Variants in DEK observed in about 807,000 individuals in gnomAD.
DEK encodes the protein protein DEK.
DEK carries 28 observed loss-of-function variants against 46.8 expected under a neutral mutation model. That is an observed-to-expected ratio of 0.60 (90% confidence interval 0.44 to 0.82). DEK has a LOEUF of 0.82. Among genes scored for constraint, DEK ranks in the 40% least tolerant of loss-of-function variants. The pLI is 0.00. For synonymous variants in DEK, 160 were observed against 144.5 expected, an observed-to-expected ratio of 1.11 and a Z score of -0.77; for missense variants, 416 against 430.6, an observed-to-expected ratio of 0.97 and a Z score of 0.30.
At chr6:18,236,396 T>C (rs371327855) in intron 9 of DEK, 56 bp downstream of exon 9, 29 of 1,566,840 alleles carry the variant, frequency 1.9e-5, no homozygotes, top group Non-Finnish European at 2.4e-5. Context: ...AATTCAGAGA[T>C]AAGTGAAAGA....
chr6:18,255,720 T>A lies in DEK; in HGVS notation c.573+11A>T. On this transcript the variant is annotated intron_variant, in intron 6 of 10. Transcript: ENST00000652689. ...AACTGATTTATGAAAAAAATAAAAA[T>A]TGATCCTCACTTTGCCAGAAGGCTT... 1 of 1,581,942 alleles carries A rather than the reference T, an allele frequency of 6.3e-7. No homozygotes were observed. Among genetic ancestry groups the A allele is most frequent in the Non-Finnish European group, 8.5e-7 (1 of 1,172,028 alleles).
chr6:18,237,326 A>G lies in DEK; in HGVS notation c.898+55T>C, dbSNP rs952473379. The G allele has an allele frequency of 6.5e-6, 10 of 1,548,086 alleles. No homozygotes were observed. The African/African-American group carries it at 1.1e-4, about 17-fold the overall frequency. The stretch of plus-strand genomic sequence containing the variant: ...CACACACTTAAATACTATGTACAAC[A>G]TATTAATATATGCTATATCTTTAAA... On this transcript the variant is annotated intron_variant, in intron 8 of 10. Transcript: ENST00000652689.
Position 18,263,791 on chromosome 6 carries a change from C to CA in DEK, c.145+51dup, listed in dbSNP as rs775115000. On this transcript the variant is annotated intron_variant, in intron 2 of 10. Coordinates refer to ENST00000652689, the MANE Select transcript of DEK (RefSeq NM_003472.4). ...AAAACTGTTTCCTGGGTGAAAAATA[C>CA]AAAAAAACTTCGGTCTGAAAAATTC... 1.2e-3 allele frequency: 1,875 copies of CA among 1,609,938 alleles called. 1 individual carries two copies. The highest frequency in any genetic ancestry group is 1.5e-3 in the Non-Finnish European group (1,745 of 1,178,682).
At position 18,259,430 on chromosome 6, in the gene DEK, A is replaced by AAAAAAAT. The variant is rs1554162685; in HGVS notation, c.146-1026_146-1025insATTTTTT. Among the ~76,000 whole-genome samples, 177 of 96,844 alleles carry AAAAAAAT rather than the reference A, an allele frequency of 1.8e-3. 22 individuals are homozygous for AAAAAAAT. Among genetic ancestry groups the AAAAAAAT allele is most frequent in the Middle Eastern group, 4.9e-3 (1 of 206 alleles). The allele number at this position is 96,844 out of a possible 152,430, so 63.5% of individuals were successfully genotyped here. On this transcript the variant is annotated intron_variant, in intron 2 of 10. Coordinates refer to ENST00000652689, the MANE Select transcript of DEK (RefSeq NM_003472.4). ...AAAAAAAAAAAAAAAAAAAAAAAAA[A>AAAAAAAT]AAATCTAGAAAACAGGTAGCATATA...
At chr6:18,230,091 A>G (rs1279350298) in intron 9 of DEK, among the ~76,000 whole-genome samples, 1 of 152,248 alleles carries the variant, frequency 6.6e-6, no homozygotes, top group Non-Finnish European at 1.5e-5. Context: ...CTTAAAGAAA[A>G]GAATTTTCAA....
chr6:18,224,962 G>C lies in DEK; in HGVS notation c.*757C>G, dbSNP rs140992236. 23 of 216,734 alleles carry C rather than the reference G, an allele frequency of 1.1e-4. No individual in the cohort carries two copies. The highest frequency in any genetic ancestry group is 4.5e-4 in the African/African-American group (20 of 44,528). The allele number at this position is 216,734 out of a possible 1,614,324, so 13.4% of individuals were successfully genotyped here. ...ACTTTCGAGGCAAAGCAGGGTAACT[G>C]TTCCTTCAGTGTTGCCATCACTGAA... On this transcript the variant is annotated 3_prime_UTR_variant, in exon 11 of 11. Transcript: ENST00000652689.
At position 18,225,551 on chromosome 6, in the gene DEK, C is replaced by T. The variant is rs1790076186; in HGVS notation, c.*168G>A. ...AATGGCATAGAAATGCAATTTAAAA[C>T]AGCAAACTCAAATTCACATAACACT... On this transcript the variant is annotated 3_prime_UTR_variant, in exon 11 of 11. Coordinates refer to ENST00000652689, the MANE Select transcript of DEK (RefSeq NM_003472.4). 2 of 624,234 alleles carry T rather than the reference C, an allele frequency of 3.2e-6. No homozygotes were observed. Among genetic ancestry groups the T allele is most frequent in the Non-Finnish European group, 5.2e-6 (2 of 385,454 alleles). The allele number at this position is 624,234 out of a possible 1,614,324, so 38.7% of individuals were successfully genotyped here.
At chr6:18,249,628 A>T (rs2151088968) in intron 7 of DEK, 23 bp downstream of exon 7, 2 of 1,523,798 alleles carry the variant, frequency 1.3e-6, no homozygotes, top group Non-Finnish European at 1.8e-6. Flanking sequence ...GAAATGATTT[A>T]AAAATATAGT....
Position 18,249,693 on chromosome 6 carries a change from CTTGT to C in DEK, c.716_719del (p.Asn239ArgfsTer38), listed in dbSNP as rs1039914491. ...TATCTTCATCATCTGAAGACTCTTC[CTTGT>C]TTTTCTTTTCATCTTCATCACTACT... On this transcript the variant is annotated frameshift_variant, in exon 7 of 11. Coordinates refer to ENST00000652689, the MANE Select transcript of DEK (RefSeq NM_003472.4). LOFTEE classifies it high-confidence loss of function. The C allele has an allele frequency of 2.5e-6, 4 of 1,602,474 alleles. No homozygotes were observed. Among genetic ancestry groups the C allele is most frequent in the Non-Finnish European group, 3.4e-6 (4 of 1,176,872 alleles).
In DEK at chr6:18,231,530, G is replaced by A. The variant is rs186339285; in HGVS notation, c.1047+4922C>T. Among the ~76,000 whole-genome samples, 1,065 of 151,952 alleles carry A rather than the reference G, an allele frequency of 7.0e-3. 7 individuals are homozygous for A. Among genetic ancestry groups the A allele is most frequent in the Middle Eastern group, 0.02 (6 of 294 alleles). The stretch of plus-strand genomic sequence containing the variant: ...CAGACGAAATAAAAAATGATAAAGG[G>A]GATATCACCACCGATCCCACAGAAA... On this transcript the variant is annotated intron_variant, in intron 9 of 10. Coordinates refer to ENST00000652689, the MANE Select transcript of DEK (RefSeq NM_003472.4).
intron 9 of DEK, among the ~76,000 whole-genome samples, chr6:18,229,303 A>G (rs1402986119): frequency 1.3e-5 from 2 of 152,216 alleles, no homozygotes. Flanking sequence ...GAAAAGCTGA[A>G]AATTCTAAAA....
In DEK at chr6:18,224,070, T is replaced by C. The variant is rs1790001826; in HGVS notation, c.*1649A>G. On this transcript the variant is annotated 3_prime_UTR_variant, in exon 11 of 11. Transcript: ENST00000652689. The stretch of plus-strand genomic sequence containing the variant: ...TACCACAAAAGAGTATTCCAAATTG[T>C]ATAGGTTATAGGGCTGAATCAATTT... 1 of 159,848 alleles carries C rather than the reference T, an allele frequency of 6.3e-6. No individual in the cohort carries two copies. Among genetic ancestry groups the C allele is most frequent in the Non-Finnish European group, 1.4e-5 (1 of 72,596 alleles). 9.9% of individuals were successfully genotyped at this position (159,848 alleles called of 1,614,324 possible).
rs999532751 is a variant in DEK at position 18,225,239 on chromosome 6, A to G, written c.*480T>C. Reference sequence around the variant, plus strand: ...AGTGATCTGGACAACTGTAGCTTGTATATTTTTAATATGATGGACACACTG... The same window carrying G: ...AGTGATCTGGACAACTGTAGCTTGTGTATTTTTAATATGATGGACACACTG... On this transcript the variant is annotated 3_prime_UTR_variant, in exon 11 of 11. Transcript: ENST00000652689. 1.7e-5 allele frequency: 4 copies of G among 229,600 alleles called. No individual in the cohort carries two copies. The highest frequency in any genetic ancestry group is 6.6e-5 in the African/African-American group (3 of 45,170). The allele number at this position is 229,600 out of a possible 1,614,324, so 14.2% of individuals were successfully genotyped here.
Position 18,231,509 on chromosome 6 carries a change from C to T in DEK, c.1047+4943G>A, listed in dbSNP as rs183102316. On this transcript the variant is annotated intron_variant, in intron 9 of 10. Transcript: ENST00000652689. ...AGAAAAGAGAGAAGAATCAAACAGA[C>T]GAAATAAAAAATGATAAAGGGGATA... is the stretch of plus-strand genomic sequence containing the variant. 3.7e-3 allele frequency among the ~76,000 whole-genome samples: 566 copies of T among 152,000 alleles called. 6 individuals carry two copies. The highest frequency in any genetic ancestry group is 0.013 in the African/African-American group (544 of 41,446).
intron 7 of DEK, among the ~76,000 whole-genome samples, chr6:18,248,839 T>A (rs1272191753): frequency 6.6e-6 from 1 of 152,160 alleles, no homozygotes; most frequent in Non-Finnish European, 1.5e-5. Context: ...TCACCCACAA[T>A]TAAGAATCAT....
chr6:18,228,452 C>T (rs1235815662), intron 9 of DEK, among the ~76,000 whole-genome samples: 3 of 152,008 alleles, frequency 2.0e-5, no homozygotes, highest in African/African-American at 7.3e-5. Context: ...GTGAGCGACG[C>T]AGAAGACGGG....
In DEK at chr6:18,258,349, T is replaced by C. The variant is rs147997771; in HGVS notation, c.202A>G (p.Met68Val). 15 of 1,613,504 alleles carry C rather than the reference T, an allele frequency of 9.3e-6. 1 individual carries two copies. The highest frequency in any genetic ancestry group is 2.2e-5 in the East Asian group (1 of 44,778). The change falls in exon 3 of 11, where the codon ATG becomes GTG. Residue 68 changes from methionine (M) to valine (V), a missense_variant. Transcript: ENST00000652689. ...TCTCTCTGTAAGGAAGAGACTTGCATTGTCAACCTCTCTACTTTTTTCTTT... is the reference window on the plus strand; with the variant it reads ...TCTCTCTGTAAGGAAGAGACTTGCACTGTCAACCTCTCTACTTTTTTCTTT... ...REKKKVERLT[M>V]QVSSLQREPF... is the part of the protein sequence containing the mutation.
At chr6:18,237,158 A>C in intron 8 of DEK, 2 of 400,766 alleles carry the variant, frequency 5.0e-6, no homozygotes, top group East Asian at 4.1e-5. Flanking sequence ...TCCCATCCCC[A>C]AGATATCTCT....
chr6:18,225,838 C>T (rs1790099674), intron 10 of DEK, 108 bp from the exon 11 acceptor site: 1 of 1,289,742 alleles, frequency 7.8e-7, no homozygotes. Flanking sequence ...GAGATCAATA[C>T]AGAATTACAG....
Sources: gnomAD v4.1 joint callset for allele counts (sites outside exome capture counted in the v4.1 genomes callset) on GRCh38, gnomAD v4.1.1 for gene constraint, MANE v1.5 for transcripts, NCBI Gene and HGNC (gene_info 2026-07-23, HGNC 2026-07-21) for gene names.